STK33: variants seen among roughly 807,000 people sequenced by gnomAD.
STK33 encodes serine/threonine-protein kinase 33.
A neutral mutation model predicts 58.0 loss-of-function variants in STK33; 52 were observed. The observed-to-expected ratio is 0.90, with a 90% CI of 0.72 to 1.13. The LOEUF is 1.13. Among genes scored for constraint, STK33 ranks in the 50% most tolerant of loss-of-function variants. The pLI is 0.00. For missense variants in STK33, 630 were observed against 604.2 expected (o/e 1.04, Z -0.45); for synonymous variants, 215 against 200.1 (o/e 1.07, Z -0.63).
intron 1 of STK33, among the ~76,000 whole-genome samples, chr11:8,566,125 T>G (rs1473544520): frequency 6.6e-6 from 1 of 152,242 alleles, no homozygotes. Flanking sequence ...ACTCTCCAAC[T>G]ATATTTAATC....
At chr11:8,587,725 A>T (rs2031937293) in intron 1 of STK33, among the ~76,000 whole-genome samples, 1 of 152,148 alleles carries the variant, frequency 6.6e-6, no homozygotes, top group South Asian at 2.1e-4. Flanking sequence ...CTTCTTGGGA[A>T]AGGGCAATCC....
chr11:8,449,405 T>C (rs1945972198), intron 11 of STK33, among the ~76,000 whole-genome samples: 1 of 151,580 alleles, frequency 6.6e-6, no homozygotes, highest in Admixed American at 6.6e-5. Flanking sequence ...AATGATCAAC[T>C]GGATTAAGAA....
intron 15 of STK33, among the ~76,000 whole-genome samples, chr11:8,405,596 G>C (rs1476445239): frequency 6.6e-6 from 1 of 152,112 alleles, no homozygotes; most frequent in African/African-American, 2.4e-5. Context: ...TTTTAAAAGT[G>C]CTTTCTGTGT....
downstream of STK33, among the ~76,000 whole-genome samples, chr11:8,390,374 C>A (rs909888304): frequency 6.6e-6 from 1 of 152,192 alleles, no homozygotes; most frequent in Admixed American, 6.5e-5. Context: ...TTGGTGCCTT[C>A]GAGTTGGCCT....
the STK33 span, among the ~76,000 whole-genome samples, chr11:8,354,636 G>A: frequency 6.6e-6 from 1 of 152,162 alleles, no homozygotes; most frequent in Admixed American, 6.5e-5. Flanking sequence ...CTTCCACCCA[G>A]GGGCATGAAG....
intron 1 of STK33, among the ~76,000 whole-genome samples, chr11:8,505,398 C>G (rs755028235): frequency 6.6e-5 from 10 of 152,292 alleles, no homozygotes; most frequent in Admixed American, 4.6e-4. Flanking sequence ...CTGACATTCT[C>G]GGACAGATGT....
chr11:8,553,439 C>T (rs750808155), intron 1 of STK33, among the ~76,000 whole-genome samples: 5 of 151,504 alleles, frequency 3.3e-5, no homozygotes, highest in Admixed American at 6.6e-5. Context: ...GTTACAACAC[C>T]TACAATGTTG....
chr11:8,400,197 A>G (rs1243745879), intron 15 of STK33, among the ~76,000 whole-genome samples: 30 of 152,176 alleles, frequency 2.0e-4, no homozygotes, highest in Admixed American at 1.6e-3. Context: ...TATCCCTGAT[A>G]AACATTGATG....
the STK33 span, among the ~76,000 whole-genome samples, chr11:8,358,534 A>C: frequency 2.0e-5 from 3 of 152,168 alleles, no homozygotes; most frequent in Non-Finnish European, 2.9e-5. Context: ...GTAGTCTTAA[A>C]GGCACTGCTA....
At chr11:8,553,204 T>TATATC in intron 1 of STK33, among the ~76,000 whole-genome samples, 1 of 76,382 alleles carries the variant, frequency 1.3e-5, no homozygotes, top group African/African-American at 7.0e-5. Flanking sequence ...ATATGGTGTA[T>TATATC]ATATATATAT....
chr11:8,493,768 C>A (rs917573063), intron 1 of STK33, among the ~76,000 whole-genome samples: 3 of 152,170 alleles, frequency 2.0e-5, no homozygotes, highest in Admixed American at 6.5e-5. Flanking sequence ...TTGGCTTCAT[C>A]CCTGGGATGC....
At chr11:8,421,194 C>T (rs980324919) in intron 14 of STK33, among the ~76,000 whole-genome samples, 2 of 152,124 alleles carry the variant, frequency 1.3e-5, no homozygotes, top group South Asian at 4.1e-4. Flanking sequence ...GGTTATGTTG[C>T]TTATGAAATC....
intron 13 of STK33, 109 bp downstream of exon 13, chr11:8,435,918 C>T: frequency 1.7e-6 from 1 of 572,934 alleles, no homozygotes. Flanking sequence ...TGTTCATTTC[C>T]ACAAGTAAAT....
intron 1 of STK33, among the ~76,000 whole-genome samples, chr11:8,587,349 T>C (rs1217544109): frequency 6.6e-6 from 1 of 152,116 alleles, no homozygotes; most frequent in African/African-American, 2.4e-5. Context: ...TTCTGGGAAA[T>C]TGTAATTATA....
At chr11:8,555,098 T>A (rs1165002896) in intron 1 of STK33, 1 of 151,946 alleles carries the variant, frequency 6.6e-6, no homozygotes, top group East Asian at 1.9e-4. Context: ...AGAATCATCA[T>A]CATGACTGCT....
intron 2 of STK33, 121 bp from the exon 3 acceptor site, chr11:8,477,404 T>C (rs1949384498): frequency 6.6e-6 from 1 of 152,142 alleles, no homozygotes; most frequent in Non-Finnish European, 1.5e-5. Context: ...GTGCTTTCTC[T>C]CTGAGGTGTA....
intron 5 of STK33, among the ~76,000 whole-genome samples, chr11:8,473,605 T>A (rs1948991740): frequency 6.6e-6 from 1 of 152,180 alleles, no homozygotes; most frequent in South Asian, 2.1e-4. Context: ...CACTCTCCTT[T>A]CACAATTTAA....
At chr11:8,524,573 T>C (rs1953865019) in intron 1 of STK33, among the ~76,000 whole-genome samples, 1 of 152,138 alleles carries the variant, frequency 6.6e-6, no homozygotes, top group Non-Finnish European at 1.5e-5. Context: ...TGATGAACTA[T>C]CTTAACACAA....
At chr11:8,405,938 C>T (rs938928232) in intron 15 of STK33, among the ~76,000 whole-genome samples, 2 of 151,886 alleles carry the variant, frequency 1.3e-5, no homozygotes, top group Non-Finnish European at 2.9e-5. Context: ...GTCAGGAGAT[C>T]GAGACCATCC....
Sources: gnomAD v4.1 joint callset for allele counts (sites outside exome capture counted in the v4.1 genomes callset) on GRCh38, gnomAD v4.1.1 for gene constraint, MANE v1.5 for transcripts, NCBI Gene and HGNC (gene_info 2026-07-23, HGNC 2026-07-21) for gene names.